The following OPRM1 variants were observed in gnomAD, a reference collection of about 807,000 sequenced individuals.
OPRM1 encodes mu-type opioid receptor.
OPRM1 carries 27 observed loss-of-function variants against 31.8 expected under a neutral mutation model. That is an observed-to-expected ratio of 0.85 (90% confidence interval 0.63 to 1.17). OPRM1 has a LOEUF of 1.17. Among genes scored for constraint, OPRM1 ranks in the 50% most tolerant of loss-of-function variants. The pLI is 0.00. For missense variants in OPRM1, 536 were observed against 511.1 expected (o/e 1.05, Z -0.47); for synonymous variants, 196 against 189.9 (o/e 1.03, Z -0.26).
intron 1 of OPRM1, among the ~76,000 whole-genome samples, chr6:154,067,637 GGTAGA>G (rs891877447): frequency 2.6e-5 from 4 of 151,814 alleles, no homozygotes; most frequent in African/African-American, 7.3e-5. Flanking sequence ...GTTGTTGTTG[GGTAGA>G]GTAGTCTGTC....
chr6:154,192,347 T>TGTGTGTGC, intron 3 of OPRM1, among the ~76,000 whole-genome samples: 1 of 151,178 alleles, frequency 6.6e-6, no homozygotes, highest in African/African-American at 2.5e-5. Flanking sequence ...TGTGTGTGTG[T>TGTGTGTGC]GTGTGTATGC....
intron 1 of OPRM1, among the ~76,000 whole-genome samples, chr6:154,075,930 C>CCTA (rs1281850893): frequency 8.5e-5 from 13 of 152,152 alleles, no homozygotes; most frequent in African/African-American, 3.1e-4. Context: ...TGATGAAATG[C>CCTA]CTACCCCATC....
chr6:154,118,800 T>G lies in OPRM1; in HGVS notation c.*79T>G. On this transcript the variant is annotated 3_prime_UTR_variant, in exon 4 of 4. Transcript: ENST00000330432. The stretch of plus-strand genomic sequence containing the variant: ...GGAAGCAGGTTGCTTCAAGAATGTG[T>G]AGGAGGCTCTAATTCTCTAGGAAAG... The G allele has an allele frequency of 6.3e-7, 1 of 1,588,262 alleles. No individual in the cohort carries two copies.
intron 3 of OPRM1, among the ~76,000 whole-genome samples, chr6:154,203,572 G>A (rs143865831): frequency 2.6e-5 from 4 of 152,260 alleles, no homozygotes; most frequent in Non-Finnish European, 5.9e-5. Flanking sequence ...CCGACTTTTC[G>A]TGTAGGTGGG....
chr6:154,200,158 TA>T, intron 3 of OPRM1: 1 of 892,914 alleles, frequency 1.1e-6, no homozygotes, highest in Non-Finnish European at 1.7e-6. Flanking sequence ...TGACCAATAA[TA>T]AAAGAGTCAA....
intron 3 of OPRM1, among the ~76,000 whole-genome samples, chr6:154,225,179 C>A (rs960711400): frequency 6.6e-6 from 1 of 152,118 alleles, no homozygotes; most frequent in Non-Finnish European, 1.5e-5. Flanking sequence ...AATGAATACT[C>A]CCTTTGAGCA....
chr6:154,196,312 C>A (rs768121858), intron 3 of OPRM1, among the ~76,000 whole-genome samples: 1 of 152,168 alleles, frequency 6.6e-6, no homozygotes, highest in Admixed American at 6.5e-5. Context: ...AGATTGTGTA[C>A]AATTTTGTTA....
intron 1 of OPRM1, among the ~76,000 whole-genome samples, chr6:154,020,226 A>G (rs887721479): frequency 2.0e-5 from 3 of 152,236 alleles, no homozygotes; most frequent in Admixed American, 6.5e-5. Flanking sequence ...ACCAAGGAAC[A>G]TGATTATGGG....
chr6:154,089,727 A>T, intron 1 of OPRM1, 99 bp from the exon 2 acceptor site: 3 of 791,576 alleles, frequency 3.8e-6, no homozygotes, highest in Non-Finnish European at 6.0e-6. Flanking sequence ...ATCTCAAAAA[A>T]GCTTTCTACT....
At chr6:154,067,335 G>T (rs1785646319) in intron 1 of OPRM1, among the ~76,000 whole-genome samples, 1 of 151,854 alleles carries the variant, frequency 6.6e-6, no homozygotes, top group South Asian at 2.1e-4. Flanking sequence ...AAAAATTTCA[G>T]TGTGTTGTGC....
At chr6:154,063,283 A>T (rs17181087) in intron 1 of OPRM1, among the ~76,000 whole-genome samples, 55 of 151,758 alleles carry the variant, frequency 3.6e-4, no homozygotes, top group African/African-American at 1.3e-3. Flanking sequence ...GTTCGCACAA[A>T]CCCCTGTAAA....
upstream of OPRM1, among the ~76,000 whole-genome samples, chr6:154,037,359 A>G (rs1377525462): frequency 8.3e-6 from 1 of 120,878 alleles, no homozygotes; most frequent in Non-Finnish European, 1.7e-5. Context: ...AAATAAAACT[A>G]AAAAAAAAAA....
At chr6:154,152,213 GAAGA>G (rs1395779336) in intron 3 of OPRM1, among the ~76,000 whole-genome samples, 4 of 131,892 alleles carry the variant, frequency 3.0e-5, no homozygotes, top group Non-Finnish European at 5.0e-5. Flanking sequence ...AAGAAAGAAG[GAAGA>G]AAGAACGAAA....
At chr6:154,064,778 T>C (rs1040282888) in intron 1 of OPRM1, among the ~76,000 whole-genome samples, 1 of 152,204 alleles carries the variant, frequency 6.6e-6, no homozygotes, top group African/African-American at 2.4e-5. Context: ...TTGGAACTCT[T>C]GTTGAAAATC....
At chr6:154,246,093 C>T (rs1429760051) in intron 3 of OPRM1, among the ~76,000 whole-genome samples, 3 of 151,994 alleles carry the variant, frequency 2.0e-5, no homozygotes, top group African/African-American at 4.8e-5. Context: ...TCCAAACCAA[C>T]CCATTTGATA....
intron 3 of OPRM1, among the ~76,000 whole-genome samples, chr6:154,178,874 C>A (rs1800585826): frequency 6.6e-6 from 1 of 152,176 alleles, no homozygotes; most frequent in African/African-American, 2.4e-5. Context: ...GTGTGTCTGA[C>A]CTCTAATAAC....
downstream of OPRM1, among the ~76,000 whole-genome samples, chr6:154,136,277 T>C (rs1392397798): frequency 6.6e-6 from 1 of 152,062 alleles, no homozygotes; most frequent in African/African-American, 2.4e-5. Flanking sequence ...CCATCACCAC[T>C]CTCCTGCCCC....
At chr6:154,023,433 C>T (rs549121541) in intron 1 of OPRM1, among the ~76,000 whole-genome samples, 21 of 152,102 alleles carry the variant, frequency 1.4e-4, no homozygotes, top group Non-Finnish European at 2.6e-4. Context: ...TTTGTTGATG[C>T]GTTCTAGTTG....
At chr6:154,106,726 T>C (rs1354126217) in intron 3 of OPRM1, among the ~76,000 whole-genome samples, 3 of 152,160 alleles carry the variant, frequency 2.0e-5, no homozygotes, top group Non-Finnish European at 4.4e-5. Context: ...CTTTATAATC[T>C]TCTTTGTATA....
Sources: allele counts gnomAD v4.1 joint callset (sites outside exome capture counted in the v4.1 genomes callset), GRCh38; gene constraint gnomAD v4.1.1; transcripts MANE v1.5; gene names NCBI Gene and HGNC (gene_info 2026-07-23, HGNC 2026-07-21).